Variants in HYDIN observed in about 807,000 individuals in gnomAD.
HYDIN encodes the protein HYDIN axonemal central pair apparatus protein, also known as axonemal central pair apparatus protein HYDIN.
In HYDIN, 132 loss-of-function variants were observed where a neutral mutation model predicts 403.9. The observed-to-expected ratio is 0.33, with a 90% CI of 0.28 to 0.38. The LOEUF (loss-of-function observed/expected upper bound fraction) is 0.38, where lower values mean the gene tolerates loss of function less well. Among genes scored for constraint, HYDIN ranks in the 10% least tolerant of loss-of-function variants. The pLI, the probability that HYDIN is intolerant of heterozygous loss-of-function variation, is 1.00. For missense variants in HYDIN, 2,827 were observed against 5,009.5 expected, an observed-to-expected ratio of 0.56 and a Z score of 13.15; for synonymous variants, 1,202 against 1,891.7, an observed-to-expected ratio of 0.64 and a Z score of 9.46.
intron 3 of HYDIN, among the ~76,000 whole-genome samples, chr16:71,180,648 C>A (rs1248760175): frequency 6.6e-6 from 1 of 151,920 alleles, no homozygotes; most frequent in Admixed American, 6.6e-5. Flanking sequence ...AATTTGCAAA[C>A]TGAAACTGAA....
chr16:71,204,817 C>T (rs1204273334), intron 1 of HYDIN, among the ~76,000 whole-genome samples: 1 of 152,148 alleles, frequency 6.6e-6, no homozygotes, highest in Non-Finnish European at 1.5e-5. Context: ...CACTCTATAT[C>T]TCTAACAAGG....
intron 80 of HYDIN, among the ~76,000 whole-genome samples, chr16:70,830,188 G>T (rs890662164): frequency 2.1e-4 from 32 of 150,754 alleles, no homozygotes; most frequent in South Asian, 8.6e-4. Flanking sequence ...GATTGGGAGT[G>T]GGTTTGAGTT....
chr16:70,995,389 G>A (rs1177462915), intron 23 of HYDIN, among the ~76,000 whole-genome samples: 3 of 152,160 alleles, frequency 2.0e-5, no homozygotes, highest in Non-Finnish European at 2.9e-5. Context: ...AGCCAGGAAA[G>A]AAATGTTCCC....
chr16:70,910,139 T>G (rs1174400418), intron 47 of HYDIN, among the ~76,000 whole-genome samples: 4 of 152,218 alleles, frequency 2.6e-5, no homozygotes, highest in Non-Finnish European at 5.9e-5. Flanking sequence ...TTTGATTACA[T>G]GAGTAAGTTT....
At chr16:70,956,018 CCATG>C (rs1304097423) in intron 39 of HYDIN, among the ~76,000 whole-genome samples, 1 of 152,032 alleles carries the variant, frequency 6.6e-6, no homozygotes, top group East Asian at 1.9e-4. Context: ...TGGGGTTTCA[CCATG>C]TTGGCCAGGC....
At chr16:71,195,203 G>A (rs1180603800) in intron 1 of HYDIN, among the ~76,000 whole-genome samples, 1 of 151,700 alleles carries the variant, frequency 6.6e-6, no homozygotes, top group African/African-American at 2.4e-5. Flanking sequence ...ACTTTGCACA[G>A]TGCCTGGCAC....
intron 36 of HYDIN, among the ~76,000 whole-genome samples, chr16:70,968,655 C>A (rs2078654188): frequency 6.6e-6 from 1 of 152,026 alleles, no homozygotes; most frequent in Admixed American, 6.6e-5. Context: ...CTTCTCCTTG[C>A]CCAAGTCATT....
At chr16:70,871,464 G>A (rs1597178701) in intron 65 of HYDIN, among the ~76,000 whole-genome samples, 1 of 151,944 alleles carries the variant, frequency 6.6e-6, no homozygotes, top group East Asian at 1.9e-4. Flanking sequence ...GTTATCCTAG[G>A]CCTTGTTCAA....
At chr16:71,046,735 T>C (rs934346435) in intron 18 of HYDIN, among the ~76,000 whole-genome samples, 2 of 152,230 alleles carry the variant, frequency 1.3e-5, no homozygotes, top group Admixed American at 6.5e-5. Context: ...TTTAATATCA[T>C]TAATAAATCT....
At chr16:71,096,209 G>A (rs1460153589) in intron 10 of HYDIN, among the ~76,000 whole-genome samples, 2 of 151,626 alleles carry the variant, frequency 1.3e-5, no homozygotes, top group African/African-American at 2.4e-5. Context: ...TTTCTGTTGA[G>A]AAGTCAGCTC....
At chr16:71,133,729 A>C (rs528133534) in intron 8 of HYDIN, among the ~76,000 whole-genome samples, 24 of 152,232 alleles carry the variant, frequency 1.6e-4, no homozygotes, top group African/African-American at 5.5e-4. Context: ...GATAAGAATG[A>C]GTATGAAAGA....
chr16:70,860,132 T>C lies in HYDIN; in HGVS notation c.12065A>G (p.Gln4022Arg), dbSNP rs2039314758. ...CWISEEIESL[Q>R]NPAAFTCLTE... ...AAGGCATGTGAATGCTGCAGGGTTC[T>C]GGAGACTTTCAATTTCTTCAGAGAT... Residue 4022 changes from glutamine to arginine, a missense_variant, in exon 71 of 86, where the codon CAG (glutamine) becomes CGG (arginine). By Grantham distance (43) the Gln-to-Arg change is conservative (BLOSUM62 1). Coordinates refer to ENST00000393567, the MANE Select transcript of HYDIN (RefSeq NM_001270974.2). 6.2e-7 allele frequency: 1 copy of C among 1,613,426 alleles called. No homozygotes were observed. The highest frequency in any genetic ancestry group is 8.5e-7 in the Non-Finnish European group (1 of 1,179,574).
chr16:70,913,512 T>G (rs1422174498), intron 47 of HYDIN, among the ~76,000 whole-genome samples: 1 of 139,992 alleles, frequency 7.1e-6, no homozygotes, highest in Non-Finnish European at 1.5e-5. Context: ...ATTTCAATTT[T>G]CTTAAATTTA....
At position 70,955,449 on chromosome 16, in the gene HYDIN, A is replaced by C. The variant is rs556653153; in HGVS notation, c.6242T>G (p.Ile2081Ser). 1.2e-6 allele frequency: 2 copies of C among 1,613,920 alleles called. No homozygotes were observed. Among genetic ancestry groups the C allele is most frequent in the Admixed American group, 3.3e-5 (2 of 60,004 alleles). Residue 2081 changes from isoleucine (I) to serine (S), a missense_variant, in exon 40 of 86, where the codon ATC (isoleucine) becomes AGC (serine). Physicochemically the swap from Ile to Ser is moderately radical, Grantham distance 142. Transcript: ENST00000393567. ...GAGCTCACGGGCCCGGATCCCTGGG[A>C]TGTTGTTGCTGTTGGCCACAGCTTC... ...VLEAVANSNN[I>S]PGIRARELCI...
chr16:71,188,167 CT>C (rs59142142), intron 1 of HYDIN, among the ~76,000 whole-genome samples: 53 of 152,106 alleles, frequency 3.5e-4, no homozygotes, highest in African/African-American at 1.2e-3. Flanking sequence ...GGATTTCTAT[CT>C]TTTTCCCCCC....
At chr16:70,832,822 G>A in intron 80 of HYDIN, 26 bp downstream of exon 80, 2 of 1,590,302 alleles carry the variant, frequency 1.3e-6, no homozygotes, top group Non-Finnish European at 8.6e-7. Context: ...CCTGCCACTG[G>A]GCCACCCCGG....
intron 3 of HYDIN, among the ~76,000 whole-genome samples, chr16:71,180,947 T>G (rs1443404325): frequency 2.0e-5 from 3 of 152,000 alleles, no homozygotes; most frequent in Non-Finnish European, 4.4e-5. Context: ...GAAATGAAAT[T>G]TATAAACAAT....
At chr16:71,179,958 A>C (rs1258405274) in intron 3 of HYDIN, among the ~76,000 whole-genome samples, 16 of 152,358 alleles carry the variant, frequency 1.1e-4, no homozygotes, top group Non-Finnish European at 8.8e-5. Context: ...TGCAGCTGTA[A>C]GTATCCATCT....
At chr16:71,190,399 AT>A (rs2144677667) in intron 1 of HYDIN, among the ~76,000 whole-genome samples, 1 of 152,174 alleles carries the variant, frequency 6.6e-6, no homozygotes, top group East Asian at 1.9e-4. Flanking sequence ...AATTTAAATG[AT>A]ACTTTAAAAA....
Sources: gnomAD v4.1 joint callset for allele counts (sites outside exome capture counted in the v4.1 genomes callset) on GRCh38, gnomAD v4.1.1 for gene constraint, MANE v1.5 for transcripts, NCBI Gene and HGNC (gene_info 2026-07-23, HGNC 2026-07-21) for gene names.